The following AVL9 variants were observed in gnomAD, a reference collection of about 807,000 sequenced individuals.
The protein encoded by AVL9 is late secretory pathway protein AVL9 homolog.
In AVL9, 49 loss-of-function variants were observed where a neutral mutation model predicts 79.2. That is an observed-to-expected ratio of 0.62 (90% CI 0.49 to 0.79). The LOEUF is 0.79. AVL9 is among the 30% of genes least tolerant of loss of function. AVL9 has a pLI of 0.00. For missense variants in AVL9, 682 were observed against 776.8 expected (o/e 0.88, Z 1.45); for synonymous variants, 299 against 280.6 (o/e 1.07, Z -0.65).
intron 1 of AVL9, chr7:32,538,318 C>CTTAT (rs1279696568): frequency 3.3e-5 from 5 of 151,982 alleles, no homozygotes; most frequent in African/African-American, 2.4e-5. Flanking sequence ...TTGTGATTGT[C>CTTAT]TTATTTATTT....
rs769483923 is a variant in AVL9 at position 32,573,195 on chromosome 7, C to G, written c.1351-4C>G. On this transcript the variant is annotated splice_region_variant and splice_polypyrimidine_tract_variant and intron_variant, in intron 11 of 15. Coordinates refer to ENST00000318709, the MANE Select transcript of AVL9 (RefSeq NM_015060.3). ...ACTCTGACTTGTACCTGGATACCCT[C>G]TAGGTAGAAGAAGCTCTGATCCAGA... is the stretch of plus-strand genomic sequence containing the variant. 1 of 1,613,290 alleles carries G rather than the reference C, an allele frequency of 6.2e-7. No individual in the cohort carries two copies. The highest frequency in any genetic ancestry group is 1.7e-5 in the Admixed American group (1 of 59,924).
chr7:32,554,463 G>T, intron 7 of AVL9, 95 bp from the exon 8 acceptor site: 3 of 674,464 alleles, frequency 4.4e-6, no homozygotes, highest in Non-Finnish European at 4.9e-6. Flanking sequence ...GCTGTATTTA[G>T]TATTACTGAT....
chr7:32,585,710 G>C lies in AVL9; in HGVS notation c.*1803G>C, dbSNP rs553923990. 2.9e-4 allele frequency: 44 copies of C among 150,240 alleles called. No homozygotes were observed. Among genetic ancestry groups the C allele is most frequent in the African/African-American group, 1.0e-3 (42 of 41,346 alleles). 9.3% of individuals were successfully genotyped at this position (150,240 alleles called of 1,614,324 possible). ...ACTTTGTGTTTTCTAAACACAAATT[G>C]TATTACTCATTTGAGCATAACTCAA... On this transcript the variant is annotated 3_prime_UTR_variant, in exon 16 of 16. Transcript: ENST00000318709.
chr7:32,568,244 A>T (rs1790673077), intron 10 of AVL9, among the ~76,000 whole-genome samples: 1 of 149,498 alleles, frequency 6.7e-6, no homozygotes, highest in Non-Finnish European at 1.5e-5. Context: ...TCTGTCGCCC[A>T]GGCTGGAGTA....
chr7:32,543,112 CT>C (rs1419978498), intron 1 of AVL9, 28 bp from the exon 2 acceptor site: 1 of 1,611,274 alleles, frequency 6.2e-7, no homozygotes, highest in African/African-American at 1.3e-5. Context: ...GGTCAACCAC[CT>C]TTTGGCTAAC....
chr7:32,522,517 C>A (rs918357443), intron 1 of AVL9, among the ~76,000 whole-genome samples: 2 of 152,190 alleles, frequency 1.3e-5, no homozygotes, highest in African/African-American at 4.8e-5. Flanking sequence ...TGTATTTACC[C>A]AATACCTGCA....
At position 32,588,646 on chromosome 7, in the gene AVL9, G is replaced by A. The variant is rs1791897821; in HGVS notation, c.*4739G>A. The A allele has an allele frequency of 6.6e-6, 1 of 152,036 alleles. No homozygotes were observed. The highest frequency in any genetic ancestry group is 2.4e-5 in the African/African-American group (1 of 41,386). The allele number at this position is 152,036 out of a possible 1,614,324, so 9.4% of individuals were successfully genotyped here. On this transcript the variant is annotated 3_prime_UTR_variant, in exon 16 of 16. Transcript: ENST00000318709. The stretch of plus-strand genomic sequence containing the variant: ...AAATCACGTCTAATCATACTGAATT[G>A]TAAAACTTGAATTGTATCTTTATTT...
chr7:32,529,323 G>A (rs34201720), intron 1 of AVL9, among the ~76,000 whole-genome samples: 53,494 of 151,988 alleles, frequency 0.35, 9,762 homozygotes, highest in Middle Eastern at 0.48. Context: ...CCCCTATCAC[G>A]CCTGCTCAGG....
intron 10 of AVL9, among the ~76,000 whole-genome samples, chr7:32,561,634 G>T (rs534958872): frequency 1.3e-5 from 2 of 151,576 alleles, no homozygotes; most frequent in African/African-American, 2.4e-5. Context: ...GTGTTCACTG[G>T]TTTAAAAAAC....
At chr7:32,521,834 G>C (rs1257597948) in intron 1 of AVL9, among the ~76,000 whole-genome samples, 1 of 152,104 alleles carries the variant, frequency 6.6e-6, no homozygotes, top group Non-Finnish European at 1.5e-5. Flanking sequence ...CTGGTCCAGG[G>C]TCCCCTTGCT....
At chr7:32,529,982 A>G (rs1475955971) in intron 1 of AVL9, among the ~76,000 whole-genome samples, 1 of 152,196 alleles carries the variant, frequency 6.6e-6, no homozygotes, top group East Asian at 1.9e-4. Context: ...ATAGTATTTC[A>G]TTATATACAT....
intron 1 of AVL9, among the ~76,000 whole-genome samples, chr7:32,525,010 C>G (rs1788338771): frequency 6.6e-6 from 1 of 152,046 alleles, no homozygotes; most frequent in South Asian, 2.1e-4. Flanking sequence ...TTCCTTTTAC[C>G]CTAGGACTGT....
chr7:32,512,798 C>A (rs1224044274), intron 1 of AVL9, among the ~76,000 whole-genome samples: 1 of 152,162 alleles, frequency 6.6e-6, no homozygotes, highest in East Asian at 1.9e-4. Flanking sequence ...AACTCCCTCC[C>A]CTTCTAAGAG....
chr7:32,553,816 C>G (rs573838387), intron 7 of AVL9, 49 bp downstream of exon 7: 46 of 1,366,918 alleles, frequency 3.4e-5, no homozygotes, highest in Admixed American at 8.8e-5. Flanking sequence ...ACTAAAATGG[C>G]CAACACTGTT....
At chr7:32,546,457 T>C (rs1030251067) in intron 3 of AVL9, among the ~76,000 whole-genome samples, 1 of 152,200 alleles carries the variant, frequency 6.6e-6, no homozygotes. Context: ...AAAGATATTA[T>C]GTCAAATAAT....
chr7:32,556,521 A>ATAAATGAATGAATGAG (rs1324940216), intron 8 of AVL9, among the ~76,000 whole-genome samples: 4 of 151,844 alleles, frequency 2.6e-5, no homozygotes, highest in Admixed American at 2.6e-4. Context: ...CTCAAAGTAA[A>ATAAATGAATGAATGAG]TGAATGAATG....
At chr7:32,502,339 G>A (rs1464681202) in intron 1 of AVL9, among the ~76,000 whole-genome samples, 1 of 145,762 alleles carries the variant, frequency 6.9e-6, no homozygotes, top group African/African-American at 2.6e-5. Flanking sequence ...GCTGCAGTGA[G>A]CCGAGATGGC....
Position 32,579,576 on chromosome 7 carries a change from A to ATATATTATAT in AVL9, c.1689-642_1689-633dup. Among the ~76,000 whole-genome samples the ATATATTATAT allele has an allele frequency of 3.5e-3, 4 of 1,140 alleles. 2 individuals are homozygous for ATATATTATAT. In the South Asian group the frequency reaches 0.12, roughly 36 times the overall value. 0.7% of individuals were successfully genotyped at this position (1,140 alleles called of 152,430 possible). A position where few individuals can be genotyped will look rare whatever the true frequency, so the allele number is the denominator to read the frequency against. On this transcript the variant is annotated intron_variant, in intron 13 of 15. Coordinates refer to ENST00000318709, the MANE Select transcript of AVL9 (RefSeq NM_015060.3). Reference sequence around the variant, plus strand: ...TATATATTATATTATATATTATATTATATATTATATATTATATATTATATA... The same window carrying ATATATTATAT: ...TATATATTATATTATATATTATATTATATATTATATTATATTATATATTATATATTATATA...
At chr7:32,567,957 TG>T (rs1362512890) in intron 10 of AVL9, among the ~76,000 whole-genome samples, 1 of 151,896 alleles carries the variant, frequency 6.6e-6, no homozygotes, top group Non-Finnish European at 1.5e-5. Context: ...TGAACTCAGA[TG>T]ATCTGCCCTC....
Sources: gnomAD v4.1 joint callset for allele counts (sites outside exome capture counted in the v4.1 genomes callset) on GRCh38, gnomAD v4.1.1 for gene constraint, MANE v1.5 for transcripts, NCBI Gene and HGNC (gene_info 2026-07-23, HGNC 2026-07-21) for gene names.